TLL1: variants seen among roughly 807,000 people sequenced by gnomAD.
The protein encoded by TLL1 is tolloid-like protein 1.
TLL1 carries 49 observed loss-of-function variants against 128.2 expected under a neutral mutation model. The ratio of observed to expected loss-of-function variants is 0.38; its 90% confidence interval spans 0.30 to 0.48. TLL1 has a LOEUF of 0.48. TLL1 is among the 20% of genes least tolerant of loss of function. TLL1 has a pLI of 0.96. For missense variants in TLL1, 1,123 were observed against 1,242.0 expected (o/e 0.90, Z 1.44); for synonymous variants, 454 against 418.8 (o/e 1.08, Z -1.03).
intron 1 of TLL1, among the ~76,000 whole-genome samples, chr4:165,955,699 A>C (rs749170778): frequency 3.3e-5 from 5 of 152,180 alleles, no homozygotes; most frequent in Non-Finnish European, 7.4e-5. Flanking sequence ...AAGTTTCATA[A>C]GTGAAGGAAA....
chr4:165,937,760 A>G (rs909672078), intron 1 of TLL1, among the ~76,000 whole-genome samples: 5 of 151,572 alleles, frequency 3.3e-5, no homozygotes, highest in Non-Finnish European at 7.4e-5. Context: ...TGTCCTTTAT[A>G]TTGAAGGGTG....
chr4:165,878,827 G>A (rs1281246067), intron 1 of TLL1, among the ~76,000 whole-genome samples: 2 of 151,458 alleles, frequency 1.3e-5, no homozygotes, highest in Non-Finnish European at 1.5e-5. Context: ...TTAGACCAAG[G>A]TGAAACAGTT....
intron 9 of TLL1, chr4:166,030,624 G>A: frequency 1.4e-6 from 1 of 692,126 alleles, no homozygotes; most frequent in Non-Finnish European, 2.1e-6. Flanking sequence ...TCTTCTATGA[G>A]TTCTATAGTT....
chr4:166,027,051 T>C (rs1234353593), intron 9 of TLL1, among the ~76,000 whole-genome samples: 2 of 152,156 alleles, frequency 1.3e-5, no homozygotes, highest in East Asian at 3.9e-4. Context: ...TGGAATATTA[T>C]GCAGCCGTAA....
intron 18 of TLL1, among the ~76,000 whole-genome samples, chr4:166,079,278 T>C (rs1741179952): frequency 6.6e-6 from 1 of 152,194 alleles, no homozygotes; most frequent in Admixed American, 6.5e-5. Context: ...GTTGGAAAAA[T>C]TGATTTTCGT....
At chr4:165,969,890 C>A (rs989526425) in intron 1 of TLL1, among the ~76,000 whole-genome samples, 15 of 152,092 alleles carry the variant, frequency 9.9e-5, no homozygotes, top group Admixed American at 2.6e-4. Flanking sequence ...CTTATCATAT[C>A]AAGTATATTA....
intron 18 of TLL1, among the ~76,000 whole-genome samples, chr4:166,087,022 A>G (rs529887786): frequency 6.6e-6 from 1 of 152,162 alleles, no homozygotes; most frequent in Non-Finnish European, 1.5e-5. Flanking sequence ...CAAAGTTCTA[A>G]ATGTGTAAGT....
intron 1 of TLL1, among the ~76,000 whole-genome samples, chr4:165,950,869 C>T (rs1046945091): frequency 6.6e-6 from 1 of 151,646 alleles, no homozygotes; most frequent in African/African-American, 2.4e-5. Context: ...GAACAGAAAA[C>T]CTAAAGCAAG....
At chr4:165,945,650 G>C (rs1386428433) in intron 1 of TLL1, among the ~76,000 whole-genome samples, 1 of 152,066 alleles carries the variant, frequency 6.6e-6, no homozygotes, top group Non-Finnish European at 1.5e-5. Flanking sequence ...ATAAAGAACT[G>C]TATAAATGAT....
At chr4:166,012,931 G>A (rs986582794) in intron 7 of TLL1, among the ~76,000 whole-genome samples, 1 of 151,662 alleles carries the variant, frequency 6.6e-6, no homozygotes, top group African/African-American at 2.4e-5. Flanking sequence ...TAATAAAATT[G>A]CTCATAGATC....
chr4:165,893,148 GTTA>G (rs922029337), intron 1 of TLL1, among the ~76,000 whole-genome samples: 2 of 152,102 alleles, frequency 1.3e-5, no homozygotes, highest in African/African-American at 4.8e-5. Flanking sequence ...TCCAAATTGA[GTTA>G]TTATATTTCT....
Position 165,874,043 on chromosome 4 carries a change from A to T in TLL1, c.139A>T (p.Thr47Ser). Residue 47 changes from threonine to serine, a missense_variant, in exon 1 of 21, where the codon ACT becomes TCT. Around this residue, in one of 3 missense-constraint regions of TLL1, gnomAD observed 480 missense variants for 542.4 expected, o/e 0.89. Transcript: ENST00000061240. ...FDGNEEDKTE[T>S]IDYKDPCKAA... ...TGGGAACGAAGAGGATAAAACAGAG[A>T]CTATAGATTACAAGGACCCGTGTAA... The T allele has an allele frequency of 6.2e-7, 1 of 1,614,046 alleles. No homozygotes were observed. Among genetic ancestry groups the T allele is most frequent in the East Asian group, 2.2e-5 (1 of 44,834 alleles).
At position 166,099,414 on chromosome 4, in the gene TLL1, T is replaced by A. The variant is rs1340969985; in HGVS notation, c.2794T>A (p.Ser932Thr). The change falls in exon 20 of 21, where the codon TCC becomes ACC. Residue 932 changes from serine (S) to threonine (T), a missense_variant. Physicochemically the swap from Ser to Thr is moderately conservative, Grantham distance 58. Coordinates refer to ENST00000061240, the MANE Select transcript of TLL1 (RefSeq NM_012464.5). ...VSERGSRLEL[S>T]FQTFEVEEEA... ...AGAACGGGGCTCTCGACTTGAATTA[T>A]CCTTCCAGACATTTGAAGTGGAGGA... The A allele has an allele frequency of 6.2e-7, 1 of 1,613,616 alleles. No individual in the cohort carries two copies.
chr4:166,088,720 A>T (rs1560863418), intron 18 of TLL1, among the ~76,000 whole-genome samples: 1 of 152,126 alleles, frequency 6.6e-6, no homozygotes, highest in African/African-American at 2.4e-5. Context: ...TTACAGACTC[A>T]GTCTGATTCC....
chr4:166,003,619 A>G (rs905228826), intron 6 of TLL1, 50 bp downstream of exon 6: 2 of 1,572,800 alleles, frequency 1.3e-6, no homozygotes, highest in Admixed American at 1.7e-5. Flanking sequence ...GTATCTTTGA[A>G]TTGTATTTAT....
At chr4:166,029,484 T>G (rs962919011) in intron 9 of TLL1, among the ~76,000 whole-genome samples, 2 of 152,060 alleles carry the variant, frequency 1.3e-5, no homozygotes, top group Non-Finnish European at 2.9e-5. Context: ...TTATTTATTG[T>G]GGTAAAATAA....
intron 1 of TLL1, among the ~76,000 whole-genome samples, chr4:165,906,697 G>A (rs1732273466): frequency 6.6e-6 from 1 of 152,044 alleles, no homozygotes; most frequent in Non-Finnish European, 1.5e-5. Flanking sequence ...AGAATTGTGA[G>A]TAGACAATTC....
intron 1 of TLL1, among the ~76,000 whole-genome samples, chr4:165,988,254 C>T (rs1298705308): frequency 6.6e-6 from 1 of 152,020 alleles, no homozygotes. Flanking sequence ...TGAACTCTCC[C>T]ATGGTTTCAC....
intron 1 of TLL1, among the ~76,000 whole-genome samples, chr4:165,926,077 T>G (rs563576334): frequency 2.0e-4 from 30 of 152,336 alleles, no homozygotes; most frequent in African/African-American, 6.7e-4. Context: ...TTCACTTTAT[T>G]GTGGTAGTCT....
Sources: gnomAD v4.1 joint callset for allele counts (sites outside exome capture counted in the v4.1 genomes callset) on GRCh38, gnomAD v4.1.1 for gene constraint, gnomAD v4.1.1 regional missense constraint, MANE v1.5 for transcripts, NCBI Gene and HGNC (gene_info 2026-07-23, HGNC 2026-07-21) for gene names.